Variants in PTPRD observed in about 807,000 individuals in gnomAD.
The protein encoded by PTPRD is protein tyrosine phosphatase receptor type D, also known as receptor-type tyrosine-protein phosphatase delta.
PTPRD carries 34 observed loss-of-function variants against 214.5 expected under a neutral mutation model. The ratio of observed to expected loss-of-function variants is 0.16; its 90% CI spans 0.12 to 0.21. The LOEUF (loss-of-function observed/expected upper bound fraction) is 0.21. PTPRD is among the 10% of genes least tolerant of loss of function. The pLI, the probability that PTPRD is intolerant of heterozygous loss-of-function variation, is 1.00. For missense variants in PTPRD, 2,545 were observed against 2,398.7 expected, an observed-to-expected ratio of 1.06 and a Z score of -1.27; for synonymous variants, 1,128 against 845.7, an observed-to-expected ratio of 1.33 and a Z score of -5.79.
At chr9:8,633,508 T>G (rs1350840448) in intron 13 of PTPRD, 50 bp from the exon 14 acceptor site, 1 of 1,598,044 alleles carries the variant, frequency 6.3e-7, no homozygotes, top group Non-Finnish European at 8.5e-7. Flanking sequence ...ATTGTCTACC[T>G]CTCAGCTAAA....
At chr9:10,295,913 G>A (rs1198426196) in intron 3 of PTPRD, among the ~76,000 whole-genome samples, 2 of 151,992 alleles carry the variant, frequency 1.3e-5, no homozygotes, top group Admixed American at 6.6e-5. Context: ...GCAATTAACG[G>A]CTTCCTCAGA....
intron 7 of PTPRD, among the ~76,000 whole-genome samples, chr9:9,578,618 G>T (rs1230297077): frequency 2.6e-5 from 4 of 151,984 alleles, no homozygotes; most frequent in Non-Finnish European, 5.9e-5. Flanking sequence ...GTTGGGTTTA[G>T]GAAAATAATA....
intron 8 of PTPRD, among the ~76,000 whole-genome samples, chr9:9,424,846 C>T (rs955640738): frequency 5.3e-5 from 8 of 152,110 alleles, no homozygotes; most frequent in African/African-American, 1.2e-4. Context: ...TTAATATATG[C>T]ATATATACTA....
intron 12 of PTPRD, among the ~76,000 whole-genome samples, chr9:8,669,876 G>A (rs1294592259): frequency 6.6e-6 from 1 of 152,124 alleles, no homozygotes; most frequent in Non-Finnish European, 1.5e-5. Flanking sequence ...TAGGAAGGAG[G>A]AGTGGGAAGT....
intron 11 of PTPRD, among the ~76,000 whole-genome samples, chr9:8,920,630 T>G (rs1271581629): frequency 6.6e-6 from 1 of 152,162 alleles, no homozygotes; most frequent in African/African-American, 2.4e-5. Flanking sequence ...TAAGAAAGTT[T>G]ACAAATTTGT....
chr9:10,569,400 A>G lies in PTPRD; in HGVS notation c.-600+42998T>C, dbSNP rs2066717377. On this transcript the variant is annotated intron_variant, in intron 2 of 45. Coordinates refer to ENST00000381196, the MANE Select transcript of PTPRD (RefSeq NM_002839.4). ...ATATCTATTTCTTCTCCCTTTCATG[A>G]CCTGGTTTTCTGAATTTTTAAATTA... Among the ~76,000 whole-genome samples the G allele has an allele frequency of 2.0e-5, 3 of 151,876 alleles. No homozygotes were observed. In the South Asian group the frequency reaches 6.2e-4, roughly 31 times the overall value.
rs1049180285 is a variant in PTPRD at position 8,894,125 on chromosome 9, G to A, written c.-104+124572C>T. Among the ~76,000 whole-genome samples, 4 of 152,128 alleles carry A rather than the reference G, an allele frequency of 2.6e-5. 1 individual carries two copies. The highest frequency in any genetic ancestry group is 6.8e-3 in the Middle Eastern group (2 of 294). On this transcript the variant is annotated intron_variant, in intron 11 of 45. Transcript: ENST00000381196. ...TCCCAGCACTTTTGGAGGCCAAGGC[G>A]GGTGGATCACCTGAGGTCAGGAGTT...
At chr9:9,687,722 T>A (rs1419654963) in intron 7 of PTPRD, among the ~76,000 whole-genome samples, 1 of 151,846 alleles carries the variant, frequency 6.6e-6, no homozygotes, top group Admixed American at 6.6e-5. Flanking sequence ...AAGATTCTAT[T>A]TTCATTTTAT....
At chr9:8,928,115 TG>T (rs1423902323) in intron 11 of PTPRD, among the ~76,000 whole-genome samples, 1 of 152,188 alleles carries the variant, frequency 6.6e-6, no homozygotes, top group Non-Finnish European at 1.5e-5. Context: ...CTTTGTCAGA[TG>T]GATAGATTGC....
chr9:9,367,854 C>G (rs915105661), intron 9 of PTPRD, among the ~76,000 whole-genome samples: 15 of 151,648 alleles, frequency 9.9e-5, no homozygotes, highest in African/African-American at 3.6e-4. Flanking sequence ...TTTATGTATT[C>G]TGTTCCTAGA....
chr9:9,329,369 G>T (rs1446705173), intron 9 of PTPRD, among the ~76,000 whole-genome samples: 1 of 152,082 alleles, frequency 6.6e-6, no homozygotes. Context: ...TAAGAGATGA[G>T]TTTTCTTCAA....
chr9:10,275,117 G>A (rs1271757252), intron 3 of PTPRD, among the ~76,000 whole-genome samples: 1 of 152,148 alleles, frequency 6.6e-6, no homozygotes, highest in Non-Finnish European at 1.5e-5. Context: ...CACAAGGATA[G>A]CACATCTAAA....
chr9:8,448,982 A>G (rs945792108), intron 34 of PTPRD, among the ~76,000 whole-genome samples: 1 of 152,322 alleles, frequency 6.6e-6, no homozygotes, highest in East Asian at 1.9e-4. Context: ...TCCCTCTGCC[A>G]TTCATAATTT....
intron 14 of PTPRD, among the ~76,000 whole-genome samples, chr9:8,554,728 C>T (rs1350856288): frequency 1.3e-5 from 2 of 152,200 alleles, no homozygotes; most frequent in Non-Finnish European, 2.9e-5. Flanking sequence ...CACTGTCCAA[C>T]ACGTTTGTTT....
chr9:10,397,041 A>G (rs1377874147), intron 2 of PTPRD, among the ~76,000 whole-genome samples: 1 of 152,040 alleles, frequency 6.6e-6, no homozygotes, highest in African/African-American at 2.4e-5. Flanking sequence ...TAGCTTAGAA[A>G]TATATACCAC....
intron 12 of PTPRD, among the ~76,000 whole-genome samples, chr9:8,704,937 A>G (rs980123829): frequency 2.0e-5 from 3 of 151,954 alleles, no homozygotes; most frequent in Admixed American, 2.0e-4. Context: ...TAAAAAATAA[A>G]TAAATAAAAA....
chr9:10,540,324 G>A (rs1037538184), intron 2 of PTPRD, among the ~76,000 whole-genome samples: 18 of 152,074 alleles, frequency 1.2e-4, no homozygotes, highest in East Asian at 3.9e-4. Context: ...CACCGGACCC[G>A]GGCATATTGT....
chr9:10,516,582 A>T (rs1351391607), intron 2 of PTPRD, among the ~76,000 whole-genome samples: 1 of 151,842 alleles, frequency 6.6e-6, no homozygotes, highest in East Asian at 1.9e-4. Flanking sequence ...TTTTATGTAG[A>T]CATACTTGTT....
At chr9:10,132,673 C>G (rs1238697028) in intron 3 of PTPRD, among the ~76,000 whole-genome samples, 1 of 152,128 alleles carries the variant, frequency 6.6e-6, no homozygotes, top group South Asian at 2.1e-4. Flanking sequence ...AAGTAGAGAA[C>G]AGAAGATAAA....
Sources: allele counts gnomAD v4.1 joint callset (sites outside exome capture counted in the v4.1 genomes callset), GRCh38; gene constraint gnomAD v4.1.1; transcripts MANE v1.5; gene names NCBI Gene and HGNC (gene_info 2026-07-23, HGNC 2026-07-21).